Variants in GCSAML observed in about 807,000 individuals in gnomAD.
GCSAML encodes the protein germinal center associated signaling and motility like, also known as germinal center-associated signaling and motility-like protein.
Under a neutral mutation model 13.0 loss-of-function variants are expected in GCSAML, and 9 were observed. That is an observed-to-expected ratio of 0.69 (90% CI 0.42 to 1.21). The LOEUF (loss-of-function observed/expected upper bound fraction) is 1.21, where lower values mean the gene tolerates loss of function less well. Among genes scored for constraint, GCSAML ranks in the 50% most tolerant of loss-of-function variants. The pLI is 0.00. For missense variants in GCSAML, 143 were observed against 153.4 expected (o/e 0.93, Z 0.36); for synonymous variants, 37 against 52.9 (o/e 0.70, Z 1.31).
At chr1:247,549,290 G>A (rs1367353278) in intron 1 of GCSAML, 70 bp downstream of exon 1, 4 of 1,341,500 alleles carry the variant, frequency 3.0e-6, no homozygotes, top group South Asian at 2.5e-5. Context: ...TGGACATAAC[G>A]CATTTGTAAT....
Position 247,574,735 on chromosome 1 carries a change from A to G in GCSAML, c.*353A>G, listed in dbSNP as rs777399880. On this transcript the variant is annotated 3_prime_UTR_variant, in exon 5 of 5. Transcript: ENST00000366488. ...CCCTCTTCTAGGCCAAAGAGACCTC[A>G]GATGAACCTGAAAGACTGAATTCTG... 4.3e-6 allele frequency: 1 copy of G among 231,472 alleles called. No individual in the cohort carries two copies. The highest frequency in any genetic ancestry group is 8.5e-6 in the Non-Finnish European group (1 of 117,314). The allele number at this position is 231,472 out of a possible 1,614,324, so 14.3% of individuals were successfully genotyped here.
upstream of GCSAML, among the ~76,000 whole-genome samples, chr1:247,546,373 T>TA (rs1425098857): frequency 1.4e-4 from 22 of 152,010 alleles, no homozygotes; most frequent in African/African-American, 5.3e-4. Flanking sequence ...TATTTTTATT[T>TA]TTTTGAGACG....
intron 2 of GCSAML, chr1:247,538,831 T>G (rs900288912): frequency 2.2e-6 from 1 of 448,298 alleles, no homozygotes; most frequent in African/African-American, 2.0e-5. Flanking sequence ...CCACCCAGTT[T>G]GTGGTGTTTT....
At chr1:247,556,518 C>T in intron 2 of GCSAML, 52 bp downstream of exon 2, 4 of 1,305,520 alleles carry the variant, frequency 3.1e-6, no homozygotes, top group Non-Finnish European at 4.3e-6. Flanking sequence ...TTTGTTTTTT[C>T]ATTGAGATTA....
intron 1 of GCSAML, among the ~76,000 whole-genome samples, chr1:247,512,417 T>G (rs1265318737): frequency 2.0e-5 from 3 of 152,054 alleles, no homozygotes; most frequent in African/African-American, 7.2e-5. Context: ...TCTAACCTTT[T>G]TTCAAGGTTC....
chr1:247,523,798 A>G (rs1045351153), intron 1 of GCSAML, among the ~76,000 whole-genome samples: 3 of 152,228 alleles, frequency 2.0e-5, no homozygotes, highest in African/African-American at 7.2e-5. Context: ...ATCAACAGCT[A>G]TTAAAAGTGT....
At chr1:247,572,304 C>A (rs943830266) in intron 4 of GCSAML, among the ~76,000 whole-genome samples, 1 of 152,126 alleles carries the variant, frequency 6.6e-6, no homozygotes, top group Non-Finnish European at 1.5e-5. Context: ...AATTTTCAGC[C>A]TTTTTGAGCT....
At chr1:247,535,036 G>C (rs1667160763) in intron 2 of GCSAML, among the ~76,000 whole-genome samples, 1 of 152,142 alleles carries the variant, frequency 6.6e-6, no homozygotes, top group South Asian at 2.1e-4. Context: ...GGCAAGCCGG[G>C]GGCGGTGGCT....
chr1:247,546,618 G>C (rs12079488), upstream of GCSAML, among the ~76,000 whole-genome samples: 125,460 of 151,918 alleles, frequency 0.83, 52,602 homozygotes, highest in African/African-American at 0.94. Flanking sequence ...GCCTCGGCCT[G>C]CCAAAGTGCT....
At chr1:247,572,758 A>C (rs1668668347) in intron 4 of GCSAML, among the ~76,000 whole-genome samples, 1 of 152,264 alleles carries the variant, frequency 6.6e-6, no homozygotes, top group Non-Finnish European at 1.5e-5. Flanking sequence ...TGCTCTCTTC[A>C]GAGCCAACAG....
chr1:247,550,956 G>T (rs980130438), intron 1 of GCSAML, among the ~76,000 whole-genome samples: 23 of 152,050 alleles, frequency 1.5e-4, no homozygotes, highest in African/African-American at 5.6e-4. Flanking sequence ...CTCTGACTCA[G>T]CTTTAAAAAA....
chr1:247,521,383 C>CCCTCTT (rs1666417064), intron 1 of GCSAML, among the ~76,000 whole-genome samples: 1 of 150,958 alleles, frequency 6.6e-6, no homozygotes, highest in Non-Finnish European at 1.5e-5. Flanking sequence ...CTCTCCCTCT[C>CCCTCTT]CACGGTCTCC....
chr1:247,562,311 G>A (rs909093358), intron 2 of GCSAML, among the ~76,000 whole-genome samples: 1 of 152,132 alleles, frequency 6.6e-6, no homozygotes, highest in Non-Finnish European at 1.5e-5. Flanking sequence ...GTATGGCGCT[G>A]GGAGTTCAGT....
intron 2 of GCSAML, among the ~76,000 whole-genome samples, chr1:247,536,772 G>A (rs568789278): frequency 7.9e-5 from 12 of 152,022 alleles, no homozygotes; most frequent in African/African-American, 1.4e-4. Context: ...CTTATGGAGC[G>A]TAAGAATCAA....
intron 1 of GCSAML, among the ~76,000 whole-genome samples, chr1:247,553,259 A>G (rs1031865414): frequency 1.3e-5 from 2 of 152,092 alleles, no homozygotes; most frequent in African/African-American, 4.8e-5. Context: ...ATGCTATTGA[A>G]TTTTGCAAGA....
At chr1:247,568,611 T>A (rs1418998135) in intron 4 of GCSAML, among the ~76,000 whole-genome samples, 4 of 152,224 alleles carry the variant, frequency 2.6e-5, no homozygotes, top group Non-Finnish European at 5.9e-5. Context: ...GGTAGCGTGA[T>A]GCCTCCAGCT....
chr1:247,530,180 T>C (rs1666862455), intron 2 of GCSAML: 1 of 152,120 alleles, frequency 6.6e-6, no homozygotes, highest in Non-Finnish European at 1.5e-5. Flanking sequence ...TATATACATA[T>C]ATATAATAAA....
chr1:247,568,445 T>C (rs1668472137), intron 4 of GCSAML, among the ~76,000 whole-genome samples: 1 of 152,200 alleles, frequency 6.6e-6, no homozygotes, highest in Non-Finnish European at 1.5e-5. Context: ...ATTTCCCCAT[T>C]GCTTGCTTTT....
chr1:247,521,028 A>G (rs1666396736), intron 1 of GCSAML, among the ~76,000 whole-genome samples: 1 of 152,100 alleles, frequency 6.6e-6, no homozygotes, highest in Non-Finnish European at 1.5e-5. Flanking sequence ...GTGTGGGCCT[A>G]TATAAACTTA....
Sources: gnomAD v4.1 joint callset for allele counts (sites outside exome capture counted in the v4.1 genomes callset) on GRCh38, gnomAD v4.1.1 for gene constraint, MANE v1.5 for transcripts, NCBI Gene and HGNC (gene_info 2026-07-23, HGNC 2026-07-21) for gene names.